Variants in RNF169 observed in about 807,000 individuals in gnomAD.
RNF169 encodes the protein ring finger protein 169.
RNF169 carries 24 observed loss-of-function variants against 53.9 expected under a neutral mutation model. The observed-to-expected ratio is 0.45, with a 90% CI of 0.32 to 0.63. The LOEUF is 0.63. Among genes scored for constraint, RNF169 ranks in the 20% least tolerant of loss-of-function variants. RNF169 has a pLI of 0.04. For missense variants in RNF169, 883 were observed against 906.2 expected (o/e 0.97, Z 0.33); for synonymous variants, 396 against 363.5 (o/e 1.09, Z -1.02).
intron 2 of RNF169, among the ~76,000 whole-genome samples, chr11:74,790,458 C>A (rs1366934276): frequency 6.6e-6 from 1 of 152,214 alleles, no homozygotes; most frequent in Non-Finnish European, 1.5e-5. Flanking sequence ...GCTATTGTCA[C>A]AGGATCCTTG....
chr11:74,793,166 C>G (rs2035602939), intron 2 of RNF169, among the ~76,000 whole-genome samples: 1 of 152,040 alleles, frequency 6.6e-6, no homozygotes, highest in East Asian at 1.9e-4. Flanking sequence ...AGAAAATGGC[C>G]AGAATAGACA....
chr11:74,767,670 C>T (rs935707922), intron 1 of RNF169, among the ~76,000 whole-genome samples: 1 of 151,938 alleles, frequency 6.6e-6, no homozygotes, highest in Non-Finnish European at 1.5e-5. Flanking sequence ...CCTGGGTTCA[C>T]GCCATTCTCC....
intron 1 of RNF169, among the ~76,000 whole-genome samples, chr11:74,784,738 C>G (rs1392313639): frequency 2.0e-5 from 3 of 152,196 alleles, no homozygotes; most frequent in African/African-American, 7.2e-5. Context: ...AGTTTAGGTA[C>G]AGTGAACAAC....
chr11:74,823,885 C>A (rs991075102), intron 4 of RNF169, among the ~76,000 whole-genome samples: 7 of 151,838 alleles, frequency 4.6e-5, no homozygotes, highest in African/African-American at 1.2e-4. Context: ...AAAATCAGTT[C>A]AAAAAAGTCA....
At chr11:74,790,717 G>T (rs991368823) in intron 2 of RNF169, among the ~76,000 whole-genome samples, 5 of 152,244 alleles carry the variant, frequency 3.3e-5, no homozygotes, top group African/African-American at 1.2e-4. Flanking sequence ...TGCTGGCATG[G>T]GCACTGGCTC....
intron 3 of RNF169, among the ~76,000 whole-genome samples, chr11:74,814,846 T>G (rs973483609): frequency 1.1e-4 from 17 of 152,328 alleles, no homozygotes; most frequent in African/African-American, 3.8e-4. Context: ...TTCTTATTAG[T>G]TCCTTAGAAT....
intron 1 of RNF169, among the ~76,000 whole-genome samples, chr11:74,784,748 C>T (rs559744495): frequency 2.0e-5 from 3 of 152,300 alleles, no homozygotes; most frequent in African/African-American, 7.2e-5. Flanking sequence ...CAGTGAACAA[C>T]TCATCAGTTA....
intron 4 of RNF169, among the ~76,000 whole-genome samples, chr11:74,826,202 T>G (rs1591430639): frequency 6.6e-6 from 1 of 152,300 alleles, no homozygotes; most frequent in Non-Finnish European, 1.5e-5. Context: ...GACATGCACC[T>G]GTAATCCCAG....
At chr11:74,756,100 T>C (rs1390834561) in intron 1 of RNF169, among the ~76,000 whole-genome samples, 3 of 152,264 alleles carry the variant, frequency 2.0e-5, no homozygotes, top group Non-Finnish European at 4.4e-5. Context: ...GCTGTGGCAG[T>C]GTTAACTTCA....
intron 1 of RNF169, among the ~76,000 whole-genome samples, chr11:74,756,311 ATATT>A (rs1448180649): frequency 1.3e-5 from 2 of 152,222 alleles, no homozygotes; most frequent in African/African-American, 4.8e-5. Context: ...AGTATAGTAT[ATATT>A]AATAGAGCAG....
chr11:74,804,155 C>T (rs965426962), intron 2 of RNF169, among the ~76,000 whole-genome samples: 1 of 152,030 alleles, frequency 6.6e-6, no homozygotes, highest in Non-Finnish European at 1.5e-5. Context: ...GCATGATAGG[C>T]GAATTGGCAT....
At chr11:74,761,369 G>T (rs1293687263) in intron 1 of RNF169, among the ~76,000 whole-genome samples, 60 of 145,214 alleles carry the variant, frequency 4.1e-4, no homozygotes, top group South Asian at 7.1e-4. Context: ...GTTAGCTGGT[G>T]ATTTTGCTCG....
chr11:74,749,446 G>A (rs1026630178), intron 1 of RNF169, 64 bp downstream of exon 1: 7 of 1,190,462 alleles, frequency 5.9e-6, no homozygotes, highest in Middle Eastern at 3.5e-4. Context: ...GCCCGGCCTG[G>A]TGAGGGGGTG....
At chr11:74,756,360 G>A (rs2034982876) in intron 1 of RNF169, among the ~76,000 whole-genome samples, 1 of 152,124 alleles carries the variant, frequency 6.6e-6, no homozygotes, top group Admixed American at 6.5e-5. Flanking sequence ...AGACTACCTG[G>A]GTTCAAATTC....
chr11:74,764,352 G>C (rs541954010), intron 1 of RNF169, among the ~76,000 whole-genome samples: 9 of 152,248 alleles, frequency 5.9e-5, no homozygotes, highest in African/African-American at 1.9e-4. Flanking sequence ...TGACTAACAT[G>C]TTGAAACCCT....
intron 1 of RNF169, among the ~76,000 whole-genome samples, chr11:74,772,376 A>G (rs2035272302): frequency 6.6e-6 from 1 of 151,884 alleles, no homozygotes. Context: ...ACACAGGGTT[A>G]TTATAAGGCT....
At chr11:74,804,008 TTTCA>T (rs1591416295) in intron 2 of RNF169, among the ~76,000 whole-genome samples, 1 of 152,202 alleles carries the variant, frequency 6.6e-6, no homozygotes. Context: ...TTCAACATCA[TTTCA>T]TTATGACATT....
At chr11:74,797,380 TTTTA>T (rs961691981) in intron 2 of RNF169, among the ~76,000 whole-genome samples, 1 of 152,166 alleles carries the variant, frequency 6.6e-6, no homozygotes, top group African/African-American at 2.4e-5. Flanking sequence ...TTTTTCTTAT[TTTTA>T]TTTATTTATT....
chr11:74,841,757 G>A lies in RNF169; in HGVS notation c.*5027G>A, dbSNP rs1172264693. On this transcript the variant is annotated 3_prime_UTR_variant, in exon 6 of 6. Transcript: ENST00000299563. ...TGTCATTTAAGGTAAAACAGGCAAT[G>A]AACTCGCTCTTCAAATACCATAGTT... is the stretch of plus-strand genomic sequence containing the variant. 1 of 152,182 alleles carries A rather than the reference G, an allele frequency of 6.6e-6. No individual in the cohort carries two copies. Among genetic ancestry groups the A allele is most frequent in the Non-Finnish European group, 1.5e-5 (1 of 68,034 alleles). 9.4% of individuals were successfully genotyped at this position (152,182 alleles called of 1,614,324 possible).
Sources: allele counts gnomAD v4.1 joint callset (sites outside exome capture counted in the v4.1 genomes callset), GRCh38; gene constraint gnomAD v4.1.1; transcripts MANE v1.5; gene names NCBI Gene and HGNC (gene_info 2026-07-23, HGNC 2026-07-21).